Variants in GALNT13 observed in about 807,000 individuals in gnomAD.
The protein encoded by GALNT13 is UDP-GalNAc:polypeptide N-acetylgalactosaminyltransferase 13.
Under a neutral mutation model 64.2 loss-of-function variants are expected in GALNT13, and 28 were observed. That is an observed-to-expected ratio of 0.44 (90% CI 0.32 to 0.60). GALNT13 has a LOEUF of 0.60. Among genes scored for constraint, GALNT13 ranks in the 20% least tolerant of loss-of-function variants. The pLI is 0.05. For missense variants in GALNT13, 577 were observed against 669.8 expected, an observed-to-expected ratio of 0.86 and a Z score of 1.53; for synonymous variants, 214 against 224.6, an observed-to-expected ratio of 0.95 and a Z score of 0.42.
rs768090299 is a variant in GALNT13 at position 154,060,575 on chromosome 2, C to T, written c.143-79762C>T. Among the ~76,000 whole-genome samples, 13 of 152,146 alleles carry T rather than the reference C, an allele frequency of 8.5e-5. No individual in the cohort carries two copies. The East Asian group carries it at 9.7e-4, about 11-fold the overall frequency. On this transcript the variant is annotated intron_variant, in intron 3 of 12. Transcript: ENST00000392825. ...TTCACCATGTTGTTCAGGCTGGTCT[C>T]GAACTCTTGAGTGCAAGTGATTTCC...
the GALNT13 span, among the ~76,000 whole-genome samples, chr2:153,550,718 G>A: frequency 2.6e-5 from 4 of 152,128 alleles, no homozygotes; most frequent in South Asian, 6.2e-4. Flanking sequence ...GTTTGGTAAT[G>A]CTTAACTTTA....
chr2:153,113,640 A>C, the GALNT13 span, among the ~76,000 whole-genome samples: 35 of 152,094 alleles, frequency 2.3e-4, no homozygotes, highest in Non-Finnish European at 4.4e-5. Context: ...GTCAGCTAAC[A>C]GCACCATCCC....
chr2:153,278,893 A>C, the GALNT13 span, among the ~76,000 whole-genome samples: 1 of 152,138 alleles, frequency 6.6e-6, no homozygotes, highest in Non-Finnish European at 1.5e-5. Context: ...TTCTGTGAAA[A>C]ATGACATTTG....
rs190217601 is a variant in GALNT13 at position 154,082,231 on chromosome 2, C to T, written c.143-58106C>T. Among the ~76,000 whole-genome samples, 27 of 151,666 alleles carry T rather than the reference C, an allele frequency of 1.8e-4. No homozygotes were observed. The East Asian group carries it at 4.9e-3, about 27-fold the overall frequency. The stretch of plus-strand genomic sequence containing the variant: ...TGAAGTAATATATCTTACCTAGGGT[C>T]AGAAAACAAAGATACAATGGAGTTG... On this transcript the variant is annotated intron_variant, in intron 3 of 12. Transcript: ENST00000392825.
chr2:154,140,531 T>C, intron 4 of GALNT13, 26 bp downstream of exon 4: 2 of 1,467,542 alleles, frequency 1.4e-6, no homozygotes, highest in South Asian at 2.4e-5. Context: ...TTATATAATC[T>C]TTTATATTCA....
At chr2:153,561,999 C>T in the GALNT13 span, among the ~76,000 whole-genome samples, 1 of 41,774 alleles carries the variant, frequency 2.4e-5, no homozygotes, top group Admixed American at 1.6e-4. Context: ...CACACTTTTG[C>T]CCCTTTTCTT....
At chr2:153,089,452 A>T in the GALNT13 span, among the ~76,000 whole-genome samples, 3 of 152,122 alleles carry the variant, frequency 2.0e-5, no homozygotes, top group Non-Finnish European at 4.4e-5. Context: ...CTATGTATGT[A>T]GGTGAAGATC....
At chr2:153,577,072 A>G in the GALNT13 span, among the ~76,000 whole-genome samples, 2 of 152,120 alleles carry the variant, frequency 1.3e-5, no homozygotes, top group Non-Finnish European at 2.9e-5. Context: ...AGAGGTCAAG[A>G]TATTTCCCTG....
At chr2:153,648,905 G>A in the GALNT13 span, among the ~76,000 whole-genome samples, 1 of 152,038 alleles carries the variant, frequency 6.6e-6, no homozygotes, top group Non-Finnish European at 1.5e-5. Flanking sequence ...GATGTTCATA[G>A]GGATATTGGT....
the GALNT13 span, among the ~76,000 whole-genome samples, chr2:153,733,525 C>T: frequency 1.3e-5 from 2 of 152,166 alleles, no homozygotes; most frequent in African/African-American, 4.8e-5. Context: ...CCCCCATGCA[C>T]ACATATTTGC....
chr2:153,396,508 G>A, the GALNT13 span, among the ~76,000 whole-genome samples: 2 of 151,094 alleles, frequency 1.3e-5, no homozygotes, highest in Non-Finnish European at 3.0e-5. Flanking sequence ...TTTTTTTTTG[G>A]TCTATAAACA....
At chr2:154,088,664 G>T (rs1701652256) in intron 3 of GALNT13, among the ~76,000 whole-genome samples, 1 of 152,092 alleles carries the variant, frequency 6.6e-6, no homozygotes, top group Non-Finnish European at 1.5e-5. Flanking sequence ...CATTGGCCAT[G>T]CTGGTCTCGA....
chr2:154,044,659 G>A (rs1438515238), intron 3 of GALNT13, among the ~76,000 whole-genome samples: 1 of 152,144 alleles, frequency 6.6e-6, no homozygotes. Context: ...GATGTTAGAG[G>A]TATTTAGTCA....
chr2:153,094,856 T>C, the GALNT13 span, among the ~76,000 whole-genome samples: 2,246 of 152,230 alleles, frequency 0.015, 62 homozygotes, highest in African/African-American at 0.051. Context: ...TGAAACTGGA[T>C]CCCTTCCTTA....
the GALNT13 span, among the ~76,000 whole-genome samples, chr2:153,430,215 G>A: frequency 2.0e-5 from 3 of 152,046 alleles, no homozygotes; most frequent in African/African-American, 7.2e-5. Flanking sequence ...TAGAGCACAT[G>A]ACTTCTAAGA....
At chr2:153,993,674 C>A (rs7578311) in intron 3 of GALNT13, among the ~76,000 whole-genome samples, 55,916 of 133,452 alleles carry the variant, frequency 0.42, 13,781 homozygotes, top group Non-Finnish European at 0.56. Flanking sequence ...TCAGCCTGGG[C>A]GACAGAGCAA....
chr2:153,608,523 T>C, the GALNT13 span, among the ~76,000 whole-genome samples: 1 of 151,752 alleles, frequency 6.6e-6, no homozygotes, highest in Non-Finnish European at 1.5e-5. Context: ...CATGATAATA[T>C]TGCTTTATGC....
chr2:153,628,287 G>A, the GALNT13 span, among the ~76,000 whole-genome samples: 1 of 151,808 alleles, frequency 6.6e-6, no homozygotes, highest in African/African-American at 2.4e-5. Flanking sequence ...CATGTCGTCT[G>A]CAAACAGGGA....
the GALNT13 span, among the ~76,000 whole-genome samples, chr2:153,641,716 A>T: frequency 6.6e-6 from 1 of 152,096 alleles, no homozygotes; most frequent in African/African-American, 2.4e-5. Context: ...AAACATTCAC[A>T]TTTCTGCTTT....
Sources: gnomAD v4.1 joint callset for allele counts (sites outside exome capture counted in the v4.1 genomes callset) on GRCh38, gnomAD v4.1.1 for gene constraint, MANE v1.5 for transcripts, NCBI Gene and HGNC (gene_info 2026-07-23, HGNC 2026-07-21) for gene names.